DNAH1: variants seen among roughly 807,000 people sequenced by gnomAD.
The protein encoded by DNAH1 is dynein axonemal heavy chain 1.
In DNAH1, 327 loss-of-function variants were observed where a neutral mutation model predicts 484.3. That is an observed-to-expected ratio of 0.68 (90% CI 0.62 to 0.74). The LOEUF is 0.74. Among genes scored for constraint, DNAH1 ranks in the 30% least tolerant of loss-of-function variants. The probability of loss-of-function intolerance (pLI) is 0.00; values close to 1 mark genes in which losing one functional copy is unlikely to be tolerated. For missense variants in DNAH1, 5,052 were observed against 5,546.8 expected, an observed-to-expected ratio of 0.91 and a Z score of 2.83; for synonymous variants, 2,192 against 2,191.9, an observed-to-expected ratio of 1.00 and a Z score of 0.00.
chr3:52,347,787 A>T lies in DNAH1; in HGVS notation c.1956-37A>T, dbSNP rs774118784. 19 of 1,530,448 alleles carry T rather than the reference A, an allele frequency of 1.2e-5. No individual in the cohort carries two copies. The Admixed American group carries it at 3.9e-4, about 31-fold the overall frequency. 94.8% of individuals were successfully genotyped at this position (1,530,448 alleles called of 1,614,324 possible). A position where few individuals can be genotyped will look rare whatever the true frequency, so the allele number is the denominator to read the frequency against. On this transcript the variant is annotated intron_variant, in intron 11 of 77. Coordinates refer to ENST00000420323, the MANE Select transcript of DNAH1 (RefSeq NM_015512.5). ...GGCTGCTCCTGCACACAGGCCTCCT[A>T]GGCCTCTGCCCACAGTCAGCTCGCC...
chr3:52,326,365 G>C, intron 4 of DNAH1, 51 bp downstream of exon 4: 1 of 1,561,332 alleles, frequency 6.4e-7, no homozygotes, highest in Non-Finnish European at 8.7e-7. Flanking sequence ...GCATCCACCC[G>C]CCTCAGGGGA....
At position 52,355,119 on chromosome 3, in the gene DNAH1, G is replaced by A; in HGVS notation, c.3693+64G>A. The stretch of plus-strand genomic sequence containing the variant: ...ACTTCAGAGAGCCCGACCCACAGGT[G>A]TCACTGATGGTCTCCGGGTGGGGTT... On this transcript the variant is annotated intron_variant, in intron 21 of 77. Transcript: ENST00000420323. The surrounding 1 kb of genome is among the most constrained non-coding windows in gnomAD (Gnocchi z 4.5). 6.7e-7 allele frequency: 1 copy of A among 1,486,740 alleles called. No individual in the cohort carries two copies. 92.1% of individuals were successfully genotyped at this position (1,486,740 alleles called of 1,614,324 possible).
rs1703204321 is a variant in DNAH1, at chr3:52,368,997, GCCCCCTCA to G, written c.5943+84_5943+91del. ...GGCTGCATCATGCTGGCCAAACTCT[GCCCCCTCA>G]CCCCTTTCTCTCAGGGCCATGGGTC... On this transcript the variant is annotated intron_variant, in intron 37 of 77. Coordinates refer to ENST00000420323, the MANE Select transcript of DNAH1 (RefSeq NM_015512.5). The surrounding 1 kb of genome is among the most constrained non-coding windows in gnomAD (Gnocchi z 4.4). 2 of 1,519,436 alleles carry G rather than the reference GCCCCCTCA, an allele frequency of 1.3e-6. No individual in the cohort carries two copies. 94.1% of individuals were successfully genotyped at this position (1,519,436 alleles called of 1,614,324 possible).
Position 52,373,024 on chromosome 3 carries a change from A to G in DNAH1, c.6956A>G (p.His2319Arg), listed in dbSNP as rs1410896278. ...PIELLRQWMD[H>R]GGWYDRKIIG... ...GAGCTGTTGCGCCAGTGGATGGACC[A>G]CGGCGGCTGGTACGACCGCAAGATC... The change falls in exon 44 of 78, where the codon CAC (histidine) becomes CGC (arginine). Residue 2319 changes from histidine (H) to arginine (R), a missense_variant. Coordinates refer to ENST00000420323, the MANE Select transcript of DNAH1 (RefSeq NM_015512.5). 2 of 1,613,144 alleles carry G rather than the reference A, an allele frequency of 1.2e-6. No individual in the cohort carries two copies. Among genetic ancestry groups the G allele is most frequent in the African/African-American group, 1.3e-5 (1 of 74,950 alleles).
chr3:52,343,579 A>G (rs541494035), intron 8 of DNAH1, among the ~76,000 whole-genome samples: 30 of 152,204 alleles, frequency 2.0e-4, no homozygotes, highest in Non-Finnish European at 3.1e-4. Context: ...GGTGTGTTGA[A>G]GGTGAGACCA....
intron 50 of DNAH1, among the ~76,000 whole-genome samples, 158 bp from the exon 51 acceptor site, chr3:52,383,228 A>G (rs910135186): frequency 6.6e-6 from 1 of 152,226 alleles, no homozygotes; most frequent in Non-Finnish European, 1.5e-5. Flanking sequence ...CTATGACTAC[A>G]GGCTAGTCTG....
At chr3:52,343,623 A>T (rs1578105353) in intron 8 of DNAH1, among the ~76,000 whole-genome samples, 1 of 152,138 alleles carries the variant, frequency 6.6e-6, no homozygotes, top group African/African-American at 2.4e-5. Flanking sequence ...AACATCCCGC[A>T]GCTCTGGTGC....
chr3:52,315,323 C>T (rs1362673331), upstream of DNAH1, among the ~76,000 whole-genome samples: 1 of 152,230 alleles, frequency 6.6e-6, no homozygotes, highest in Non-Finnish European at 1.5e-5. Flanking sequence ...TGTCACCTTC[C>T]GTTCTGGCTG....
chr3:52,335,288 C>G (rs1413521153), intron 8 of DNAH1, among the ~76,000 whole-genome samples: 1 of 144,616 alleles, frequency 6.9e-6, no homozygotes, highest in Non-Finnish European at 1.5e-5. Flanking sequence ...ATCTCCTGAC[C>G]TCGTGATCCA....
Position 52,322,615 on chromosome 3 carries a change from A to G in DNAH1, c.173A>G (p.Lys58Arg), listed in dbSNP as rs1251049866. 1 of 1,613,660 alleles carries G rather than the reference A, an allele frequency of 6.2e-7. No individual in the cohort carries two copies. The highest frequency in any genetic ancestry group is 1.3e-5 in the African/African-American group (1 of 74,926). The change falls in exon 2 of 78, where the codon AAG becomes AGG. Residue 58 changes from lysine to arginine, a missense_variant. Lys to Arg is a conservative substitution (Grantham distance 26). Transcript: ENST00000420323. ...GLGNPPALDP[K>R]LPHLPLPPAP... is the part of the protein sequence containing the mutation. ...GGAAATCCTCCAGCCCTTGACCCCA[A>G]GCTCCCACATTTACCCCTGCCCCCG...
At position 52,362,017 on chromosome 3, in the gene DNAH1, G is replaced by T. The variant is rs756619987; in HGVS notation, c.4980+251G>T. Among the ~76,000 whole-genome samples, 1 of 152,222 alleles carries T rather than the reference G, an allele frequency of 6.6e-6. No homozygotes were observed. Among genetic ancestry groups the T allele is most frequent in the African/African-American group, 2.4e-5 (1 of 41,462 alleles). On this transcript the variant is annotated intron_variant, in intron 30 of 77. Transcript: ENST00000420323. This position sits in a 1 kb window ranked among gnomAD's most constrained non-coding sequence, Gnocchi z 5.1. ...AGGCATTGGTCCTTTCTCTAGCCAC[G>T]TGCAGGGCGGCCAGGGACCTTGTTC...
In DNAH1 at chr3:52,370,832, G is replaced by T. The variant is rs781034771; in HGVS notation, c.6525+7G>T. On this transcript the variant is annotated splice_region_variant and intron_variant, in intron 41 of 77. Coordinates refer to ENST00000420323, the MANE Select transcript of DNAH1 (RefSeq NM_015512.5). ...AGAGGAGGAATACAAGCAGGTGGCC[G>T]CAGGCCCTCCCCAGAGACTGCACAG... 2 of 1,584,218 alleles carry T rather than the reference G, an allele frequency of 1.3e-6. No individual in the cohort carries two copies. The highest frequency in any genetic ancestry group is 1.8e-5 in the Admixed American group (1 of 55,112).
chr3:52,369,015 C>T (rs958642386), intron 37 of DNAH1, 97 bp downstream of exon 37: 18 of 1,395,258 alleles, frequency 1.3e-5, no homozygotes, highest in Non-Finnish European at 1.7e-5. Context: ...ACCCCTTTCT[C>T]TCAGGGCCAT....
Position 52,395,019 on chromosome 3 carries a change from T to A in DNAH1, c.10928T>A (p.Phe3643Tyr). 1 of 1,611,320 alleles carries A rather than the reference T, an allele frequency of 6.2e-7. No individual in the cohort carries two copies. The highest frequency in any genetic ancestry group is 8.5e-7 in the Non-Finnish European group (1 of 1,178,822). Reference protein sequence around the residue: ...GDKVTNAMQDFVATNLEPRFI... With the variant: ...GDKVTNAMQDYVATNLEPRFI... ...AAGGTTACCAACGCCATGCAGGACT[T>A]TGTGGCCACCAACCTGGAGCCACGC... The change falls in exon 68 of 78, where the codon TTT becomes TAT. Residue 3643 changes from phenylalanine to tyrosine, a missense_variant. Transcript: ENST00000420323. This position sits in a 1 kb window ranked among gnomAD's most constrained non-coding sequence, Gnocchi z 4.4.
At chr3:52,317,324 C>T (rs970033420) in intron 1 of DNAH1, among the ~76,000 whole-genome samples, 5 of 152,030 alleles carry the variant, frequency 3.3e-5, no homozygotes, top group Non-Finnish European at 7.4e-5. Flanking sequence ...GGTGGGCGCC[C>T]GAGCCGAGGG....
chr3:52,346,662 A>C lies in DNAH1; in HGVS notation c.1847A>C (p.Gln616Pro), dbSNP rs200814267. 2.5e-4 allele frequency: 408 copies of C among 1,614,066 alleles called. 1 individual carries two copies. The highest frequency in any genetic ancestry group is 5.6e-5 in the Non-Finnish European group (66 of 1,179,896). ...MLQDTLRFLV[Q>P]DSLASFSQFI... ...CAGGACACACTGCGCTTCCTGGTGC[A>C]GGACTCACTTGCCAGCTTCTCACAG... Residue 616 changes from glutamine (Q) to proline (P), a missense_variant, in exon 11 of 78, where the codon CAG (glutamine) becomes CCG (proline). Around this residue, in one of 4 missense-constraint regions of DNAH1, gnomAD observed 1,263 missense variants for 1,218.8 expected, o/e 1.04. Coordinates refer to ENST00000420323, the MANE Select transcript of DNAH1 (RefSeq NM_015512.5).
At chr3:52,313,899 G>A (rs943777979), upstream of DNAH1, among the ~76,000 whole-genome samples, 16 of 152,148 alleles carry the variant, frequency 1.1e-4, no homozygotes, top group Admixed American at 8.5e-4. Context: ...GAAAAACTGA[G>A]GCCTAACAAA....
upstream of DNAH1, among the ~76,000 whole-genome samples, chr3:52,312,625 C>T (rs1700819728): frequency 6.6e-6 from 1 of 151,930 alleles, no homozygotes; most frequent in African/African-American, 2.4e-5. Flanking sequence ...GATGTGCCAC[C>T]ACGTCTGGCT....
chr3:52,359,119 G>T, intron 25 of DNAH1, 127 bp from the exon 26 acceptor site: 3 of 1,359,298 alleles, frequency 2.2e-6, no homozygotes, highest in South Asian at 2.9e-5. Flanking sequence ...GCTCTGAAGG[G>T]ACTGGTGGCA....
Sources: gnomAD v4.1 joint callset for allele counts (sites outside exome capture counted in the v4.1 genomes callset) on GRCh38, gnomAD v4.1.1 for gene constraint, gnomAD v4.1.1 regional missense constraint, Gnocchi (gnomAD v3.1) non-coding constraint, MANE v1.5 for transcripts, NCBI Gene and HGNC (gene_info 2026-07-23, HGNC 2026-07-21) for gene names.